The following HEBP1 variants were observed in gnomAD, a reference collection of about 807,000 sequenced individuals.
HEBP1 encodes heme binding protein 1.
HEBP1 carries 13 observed loss-of-function variants against 20.4 expected under a neutral mutation model. That is an observed-to-expected ratio of 0.64 (90% CI 0.42 to 1.01). The LOEUF (loss-of-function observed/expected upper bound fraction) is 1.01, where lower values mean the gene tolerates loss of function less well. HEBP1 is among the 50% of genes least tolerant of loss of function. The pLI is 0.00. For synonymous variants in HEBP1, 92 were observed against 90.7 expected, an observed-to-expected ratio of 1.01 and a Z score of -0.08; for missense variants, 241 against 247.3, an observed-to-expected ratio of 0.97 and a Z score of 0.17.
rs1037505731 is a variant in HEBP1 at position 12,998,707 on chromosome 12, C to T, written c.78+1330G>A. 2.0e-5 allele frequency among the ~76,000 whole-genome samples: 3 copies of T among 152,206 alleles called. No homozygotes were observed. Among genetic ancestry groups the T allele is most frequent in the African/African-American group, 7.2e-5 (3 of 41,458 alleles). ...AAGATCATTGTACTAGGTATCAGAA[C>T]TTGGCCCCCAGGCAATACAGTCCTT... On this transcript the variant is annotated intron_variant, in intron 1 of 3. Transcript: ENST00000014930. This position sits in a 1 kb window ranked among gnomAD's most constrained non-coding sequence, Gnocchi z 4.2.
chr12:12,976,383 C>A (rs1863988880), intron 3 of HEBP1, among the ~76,000 whole-genome samples: 1 of 152,214 alleles, frequency 6.6e-6, no homozygotes, highest in African/African-American at 2.4e-5. Flanking sequence ...ACGTCATGTG[C>A]TTCTGTTCCA....
At chr12:12,995,895 A>G (rs1041901702) in intron 1 of HEBP1, among the ~76,000 whole-genome samples, 17 of 152,220 alleles carry the variant, frequency 1.1e-4, no homozygotes, top group African/African-American at 3.4e-4. Context: ...ACCAATTTTC[A>G]ACATTCAGTG....
intron 3 of HEBP1, among the ~76,000 whole-genome samples, chr12:12,978,365 G>A (rs941109322): frequency 4.0e-5 from 6 of 151,750 alleles, no homozygotes; most frequent in Admixed American, 6.6e-5. Context: ...CACACGCCCA[G>A]CTAATTTTTG....
rs937931937 is a variant in HEBP1 at position 12,986,022 on chromosome 12, G to C, written c.398+1130C>G. The C allele has an allele frequency of 6.6e-6, 1 of 152,224 alleles. No individual in the cohort carries two copies. Among genetic ancestry groups the C allele is most frequent in the African/African-American group, 2.4e-5 (1 of 41,460 alleles). 9.4% of individuals were successfully genotyped at this position (152,224 alleles called of 1,614,324 possible). A position where few individuals can be genotyped will look rare whatever the true frequency, so the allele number is the denominator to read the frequency against. Reference sequence around the variant, plus strand: ...ATCCTGCACTTGGACAGCTGTGAGAGTGAGTGCTTCCTTAAATGCTGCACC... The same window carrying C: ...ATCCTGCACTTGGACAGCTGTGAGACTGAGTGCTTCCTTAAATGCTGCACC... On this transcript the variant is annotated intron_variant, in intron 3 of 3. Transcript: ENST00000014930. The surrounding 1 kb of genome is among the most constrained non-coding windows in gnomAD (Gnocchi z 4.3).
intron 3 of HEBP1, among the ~76,000 whole-genome samples, chr12:12,980,920 A>G (rs773262993): frequency 6.6e-6 from 1 of 152,220 alleles, no homozygotes; most frequent in Non-Finnish European, 1.5e-5. Context: ...GAGGCCCCCA[A>G]CCAGAGCTGA....
At chr12:12,989,772 C>CAAAG (rs557732108) in intron 1 of HEBP1, among the ~76,000 whole-genome samples, 1 of 151,514 alleles carries the variant, frequency 6.6e-6, no homozygotes, top group Non-Finnish European at 1.5e-5. Context: ...TAAAGTTAAA[C>CAAAG]AGGAGATTCA....
chr12:12,996,747 G>A lies in HEBP1; in HGVS notation c.78+3290C>T, dbSNP rs73289142. 0.034 allele frequency among the ~76,000 whole-genome samples: 5,183 copies of A among 152,090 alleles called. 275 individuals carry two copies. Among genetic ancestry groups the A allele is most frequent in the African/African-American group, 0.12 (4,842 of 41,488 alleles). On this transcript the variant is annotated intron_variant, in intron 1 of 3. Transcript: ENST00000014930. This position sits in a 1 kb window ranked among gnomAD's most constrained non-coding sequence, Gnocchi z 4.1. Reference sequence around the variant, plus strand: ...AGAGTTGAGGAATTCAAGGGCTCACGGGATGTTAAGTAATTTACCCAAACT... The same window carrying A: ...AGAGTTGAGGAATTCAAGGGCTCACAGGATGTTAAGTAATTTACCCAAACT...
rs1345230862 is a variant in HEBP1 at position 12,989,357 on chromosome 12, A to G, written c.137T>C (p.Val46Ala). 1 of 1,614,172 alleles carries G rather than the reference A, an allele frequency of 6.2e-7. No individual in the cohort carries two copies. The change falls in exon 2 of 4, where the codon GTG becomes GCG. Residue 46 changes from valine to alanine, a missense_variant. Coordinates refer to ENST00000014930, the MANE Select transcript of HEBP1 (RefSeq NM_015987.5). ...AGCCTCATCCACAGGCTTATCTGTC[A>G]CTTCTACTGTGGCAAATTTGCCGCC... The part of the protein sequence containing the change: ...CEGGKFATVE[V>A]TDKPVDEALR...
Position 12,996,352 on chromosome 12 carries a change from G to T in HEBP1, c.78+3685C>A, listed in dbSNP as rs1016707857. On this transcript the variant is annotated intron_variant, in intron 1 of 3. Transcript: ENST00000014930. This position sits in a 1 kb window ranked among gnomAD's most constrained non-coding sequence, Gnocchi z 4.1. ...GATGTCAGTTACTAATATCAGTTCT[G>T]CTGTGAGCATCCAAAGGCCCACCCA... Among the ~76,000 whole-genome samples the T allele has an allele frequency of 6.6e-6, 1 of 152,182 alleles. No homozygotes were observed. Among genetic ancestry groups the T allele is most frequent in the Non-Finnish European group, 1.5e-5 (1 of 68,038 alleles).
Position 12,998,381 on chromosome 12 carries a change from C to T in HEBP1, c.78+1656G>A, listed in dbSNP as rs1565495446. 6.6e-6 allele frequency among the ~76,000 whole-genome samples: 1 copy of T among 152,122 alleles called. No individual in the cohort carries two copies. Among genetic ancestry groups the T allele is most frequent in the Non-Finnish European group, 1.5e-5 (1 of 68,024 alleles). Reference sequence around the variant, plus strand: ...TGTATGGTTTTCCTTAAGAATTTGGCAACACTGTTTCATATATCACTGCAT... The same window carrying T: ...TGTATGGTTTTCCTTAAGAATTTGGTAACACTGTTTCATATATCACTGCAT... On this transcript the variant is annotated intron_variant, in intron 1 of 3. Transcript: ENST00000014930. The surrounding 1 kb of genome is among the most constrained non-coding windows in gnomAD (Gnocchi z 4.2).
intron 3 of HEBP1, among the ~76,000 whole-genome samples, chr12:12,977,793 C>T (rs752939041): frequency 1.3e-5 from 2 of 152,076 alleles, no homozygotes; most frequent in Non-Finnish European, 2.9e-5. Context: ...TTTTAACATA[C>T]TATATAATTT....
Position 12,996,802 on chromosome 12 carries a change from T to C in HEBP1, c.78+3235A>G, listed in dbSNP as rs1430709455. ...TGTAAAACTACAGTAAAGCTAACCA[T>C]TACCATCTCCAACCAAGTACTAACA... On this transcript the variant is annotated intron_variant, in intron 1 of 3. Transcript: ENST00000014930. This position sits in a 1 kb window ranked among gnomAD's most constrained non-coding sequence, Gnocchi z 4.1. Among the ~76,000 whole-genome samples, 1 of 152,162 alleles carries C rather than the reference T, an allele frequency of 6.6e-6. No individual in the cohort carries two copies. Among genetic ancestry groups the C allele is most frequent in the Non-Finnish European group, 1.5e-5 (1 of 68,026 alleles).
At chr12:12,985,145 T>TG (rs1864136690) in intron 3 of HEBP1, among the ~76,000 whole-genome samples, 2 of 150,548 alleles carry the variant, frequency 1.3e-5, no homozygotes, top group Non-Finnish European at 3.0e-5. Flanking sequence ...GAGACTCCGT[T>TG]GGAAAAAAAA....
At chr12:12,985,843 T>C (rs1864145394) in intron 3 of HEBP1, 1 of 152,160 alleles carries the variant, frequency 6.6e-6, no homozygotes, top group Non-Finnish European at 1.5e-5. Flanking sequence ...CCAAGCATCA[T>C]TCTGCTAGTA....
At chr12:12,990,254 G>A (rs559793066) in intron 1 of HEBP1, among the ~76,000 whole-genome samples, 3 of 151,558 alleles carry the variant, frequency 2.0e-5, no homozygotes, top group South Asian at 2.1e-4. Context: ...CACTAGCCTC[G>A]ACCTCCTGAG....
chr12:12,987,332 C>T lies in HEBP1; in HGVS notation c.218G>A (p.Gly73Glu). Residue 73 changes from glycine to glutamate, a missense_variant and splice_region_variant, in exon 3 of 4, where the codon GGA becomes GAA. Coordinates refer to ENST00000014930, the MANE Select transcript of HEBP1 (RefSeq NM_015987.5). ...AGGGACTGTCATCCCCATCCCAATTCCTGAAAACACAAAAGCACAGAGTGA... is the reference window on the plus strand; with the variant it reads ...AGGGACTGTCATCCCCATCCCAATTTCTGAAAACACAAAAGCACAGAGTGA... ...AKYAGGTNDKGIGMGMTVPIS... is the reference protein window; with the variant it reads ...AKYAGGTNDKEIGMGMTVPIS... 1.2e-6 allele frequency: 2 copies of T among 1,611,752 alleles called. No individual in the cohort carries two copies. Among genetic ancestry groups the T allele is most frequent in the Non-Finnish European group, 1.7e-6 (2 of 1,178,552 alleles).
At chr12:12,979,059 T>C (rs1408014741) in intron 3 of HEBP1, 7 of 152,058 alleles carry the variant, frequency 4.6e-5, no homozygotes. Context: ...AAGTGACATG[T>C]GGTAGAGATG....
rs1199870190 is a variant in HEBP1 at position 12,998,445 on chromosome 12, C to A, written c.78+1592G>T. Reference sequence around the variant, plus strand: ...TGGAACTGCCGTTTAGAGATGGGGACCTGAGTTCACTCTCTGATTTGCCTC... The same window carrying A: ...TGGAACTGCCGTTTAGAGATGGGGAACTGAGTTCACTCTCTGATTTGCCTC... On this transcript the variant is annotated intron_variant, in intron 1 of 3. Coordinates refer to ENST00000014930, the MANE Select transcript of HEBP1 (RefSeq NM_015987.5). The surrounding 1 kb of genome is among the most constrained non-coding windows in gnomAD (Gnocchi z 4.2). Among the ~76,000 whole-genome samples, 1 of 152,120 alleles carries A rather than the reference C, an allele frequency of 6.6e-6. No homozygotes were observed. The highest frequency in any genetic ancestry group is 1.5e-5 in the Non-Finnish European group (1 of 68,028).
At chr12:12,987,874 G>C (rs1015544207) in intron 2 of HEBP1, among the ~76,000 whole-genome samples, 1 of 152,144 alleles carries the variant, frequency 6.6e-6, no homozygotes, top group Non-Finnish European at 1.5e-5. Context: ...TACCTCAAGT[G>C]ATTTGCCCAT....
Sources: allele counts gnomAD v4.1 joint callset (sites outside exome capture counted in the v4.1 genomes callset), GRCh38; gene constraint gnomAD v4.1.1; non-coding constraint Gnocchi (gnomAD v3.1); transcripts MANE v1.5; gene names NCBI Gene and HGNC (gene_info 2026-07-23, HGNC 2026-07-21).